Variants in EPS8L3 observed in about 807,000 individuals in gnomAD.
The protein encoded by EPS8L3 is EPS8 signaling adaptor L3.
EPS8L3 carries 80 observed loss-of-function variants against 88.5 expected under a neutral mutation model. The ratio of observed to expected loss-of-function variants is 0.90; its 90% CI spans 0.75 to 1.09. The LOEUF (loss-of-function observed/expected upper bound fraction) is 1.09, where lower values mean the gene tolerates loss of function less well. EPS8L3 is among the 50% of genes least tolerant of loss of function. The pLI is 0.00. For missense variants in EPS8L3, 721 were observed against 735.2 expected (o/e 0.98, Z 0.22); for synonymous variants, 286 against 291.0 (o/e 0.98, Z 0.18).
chr1:109,759,271 A>G lies in EPS8L3; in HGVS notation c.372T>C (p.Thr124=), dbSNP rs759018153. 15 of 1,614,058 alleles carry G rather than the reference A, an allele frequency of 9.3e-6. 1 individual carries two copies. The South Asian group carries it at 1.5e-4, about 17-fold the overall frequency. ...CCTGGCACTGGAAGAGCAGAGTGCT[A>G]GTGCCTGGCAGGCCCGGCTCCTGCA... ...ITVQEPGLPG[T]STLLFQCQEV... Residue 124 remains threonine, a synonymous_variant, in exon 5 of 19, where the codon ACT becomes ACC. Transcript: ENST00000361965. The surrounding 1 kb of genome is among the most constrained non-coding windows in gnomAD (Gnocchi z 4.2).
At chr1:109,755,202 C>T (rs116397935) in intron 12 of EPS8L3, among the ~76,000 whole-genome samples, 2 of 152,230 alleles carry the variant, frequency 1.3e-5, no homozygotes, top group Admixed American at 6.5e-5. Flanking sequence ...CTCATAGAGA[C>T]AGAAAGTAGA....
chr1:109,761,432 G>T (rs1462842332), intron 3 of EPS8L3, 63 bp downstream of exon 3: 7 of 1,425,452 alleles, frequency 4.9e-6, no homozygotes, highest in Non-Finnish European at 3.9e-6. Flanking sequence ...CTGGCAGGGC[G>T]GTGGGCACAT....
chr1:109,751,418 C>G, intron 16 of EPS8L3, 67 bp from the exon 17 acceptor site: 3 of 1,511,874 alleles, frequency 2.0e-6, no homozygotes, highest in Non-Finnish European at 2.7e-6. Context: ...CCCCTAACAT[C>G]TGGGTCCCTT....
chr1:109,761,622 T>C, intron 2 of EPS8L3, 63 bp from the exon 3 acceptor site: 1 of 1,607,542 alleles, frequency 6.2e-7, no homozygotes, highest in Non-Finnish European at 8.5e-7. Context: ...CTCAGGCAAC[T>C]GCTGGGGGCA....
intron 1 of EPS8L3, 59 bp from the exon 2 acceptor site, chr1:109,761,832 C>T (rs1328686369): frequency 2.7e-6 from 4 of 1,483,838 alleles, no homozygotes; most frequent in Non-Finnish European, 3.8e-6. Context: ...GTACCAGGCA[C>T]AGCAGGGCAG....
chr1:109,758,078 T>C lies in EPS8L3; in HGVS notation c.718-20A>G. On this transcript the variant is annotated intron_variant, in intron 8 of 18. Coordinates refer to ENST00000361965, the MANE Select transcript of EPS8L3 (RefSeq NM_133181.4). ...CACTTCCTGGGCCCCAAACAACCCA[T>C]GGCCTTGAACGGGCAGTTGGGCCCA... is the stretch of plus-strand genomic sequence containing the variant. 3 of 1,609,312 alleles carry C rather than the reference T, an allele frequency of 1.9e-6. No homozygotes were observed. The highest frequency in any genetic ancestry group is 2.5e-6 in the Non-Finnish European group (3 of 1,176,684).
At chr1:109,755,497 G>C in intron 12 of EPS8L3, among the ~76,000 whole-genome samples, 1 of 152,118 alleles carries the variant, frequency 6.6e-6, no homozygotes, top group East Asian at 1.9e-4. Flanking sequence ...TTTGTAAATG[G>C]GGCTGAATTG....
At chr1:109,750,869 C>G (rs1026075236) in intron 17 of EPS8L3, 77 bp from the exon 18 acceptor site, 2 of 1,558,214 alleles carry the variant, frequency 1.3e-6, no homozygotes, top group Non-Finnish European at 1.8e-6. Context: ...AGAGACAGGG[C>G]TCTTTGGGCT....
intron 13 of EPS8L3, 138 bp from the exon 14 acceptor site, chr1:109,752,858 C>T: frequency 1.2e-6 from 1 of 828,190 alleles, no homozygotes; most frequent in Non-Finnish European, 2.0e-6. Flanking sequence ...CCCCAGTTTA[C>T]AGATACAGGT....
intron 1 of EPS8L3, among the ~76,000 whole-genome samples, chr1:109,763,357 TG>T (rs1301782605): frequency 6.8e-6 from 1 of 147,814 alleles, no homozygotes; most frequent in African/African-American, 2.5e-5. Context: ...GGTCTGCCCC[TG>T]GTCAGCCCCA....
Position 109,758,301 on chromosome 1 carries a change from A to G in EPS8L3, c.717+15T>C. 6.2e-7 allele frequency: 1 copy of G among 1,606,842 alleles called. No homozygotes were observed. The highest frequency in any genetic ancestry group is 1.1e-5 in the South Asian group (1 of 90,772). On this transcript the variant is annotated intron_variant, in intron 8 of 18. Coordinates refer to ENST00000361965, the MANE Select transcript of EPS8L3 (RefSeq NM_133181.4). Reference sequence around the variant, plus strand: ...CCCAGAAAGCCTCAGCAAACTCAAGACCATCCGCAGTTACCTCGTCCCTCT... The same window carrying G: ...CCCAGAAAGCCTCAGCAAACTCAAGGCCATCCGCAGTTACCTCGTCCCTCT...
chr1:109,753,456 G>T (rs1208677354), intron 12 of EPS8L3, among the ~76,000 whole-genome samples: 1 of 152,180 alleles, frequency 6.6e-6, no homozygotes, highest in African/African-American at 2.4e-5. Context: ...CACCACCTCC[G>T]TAAGAACATG....
At chr1:109,761,599 G>T in intron 2 of EPS8L3, 40 bp from the exon 3 acceptor site, 1 of 1,611,446 alleles carries the variant, frequency 6.2e-7, no homozygotes, top group African/African-American at 1.3e-5. Context: ...GTGGGCAGAA[G>T]AACGAGGTGA....
chr1:109,750,649 G>T lies in EPS8L3; in HGVS notation c.1770+11C>A, dbSNP rs768745920. On this transcript the variant is annotated intron_variant, in intron 18 of 18. Transcript: ENST00000361965. ...CTCCCAATGGTTGTCAGGACCCCAG[G>T]GTGTCCTCACCCCCAGCATCCTTCT... 7 of 1,613,988 alleles carry T rather than the reference G, an allele frequency of 4.3e-6. No homozygotes were observed. In the East Asian group the frequency reaches 1.1e-4, roughly 26 times the overall value.
intron 1 of EPS8L3, among the ~76,000 whole-genome samples, chr1:109,761,980 G>A (rs1012524694): frequency 3.3e-5 from 5 of 152,112 alleles, no homozygotes; most frequent in Non-Finnish European, 5.9e-5. Context: ...TGGAGGCCCC[G>A]GGCTGAGGGA....
chr1:109,758,184 GC>G (rs1315585286), intron 8 of EPS8L3, 126 bp from the exon 9 acceptor site: 3 of 1,266,592 alleles, frequency 2.4e-6, no homozygotes, highest in African/African-American at 3.0e-5. Context: ...GTATAAACAA[GC>G]CTCTCTGGCC....
Position 109,759,259 on chromosome 1 carries a change from G to A in EPS8L3, c.384C>T (p.Leu128=), listed in dbSNP as rs779154248. ...TCACCCCCACTTCCTGGCACTGGAA[G>A]AGCAGAGTGCTAGTGCCTGGCAGGC... ...EPGLPGTSTL[L]FQCQEVGAER... is the part of the protein sequence containing the mutation. The change falls in exon 5 of 19, where the codon CTC becomes CTT. Residue 128 remains leucine (L), a synonymous_variant. Coordinates refer to ENST00000361965, the MANE Select transcript of EPS8L3 (RefSeq NM_133181.4). The surrounding 1 kb of genome is among the most constrained non-coding windows in gnomAD (Gnocchi z 4.2). 3 of 1,614,084 alleles carry A rather than the reference G, an allele frequency of 1.9e-6. No homozygotes were observed. The South Asian group carries it at 3.3e-5, about 18-fold the overall frequency.
At chr1:109,758,723 C>A in intron 6 of EPS8L3, 60 bp from the exon 7 acceptor site, 1 of 1,512,434 alleles carries the variant, frequency 6.6e-7, no homozygotes, top group South Asian at 1.3e-5. Flanking sequence ...GAGGCCCTCC[C>A]CACAATTCTG....
chr1:109,751,562 C>A, intron 16 of EPS8L3, 92 bp downstream of exon 16: 1 of 1,583,042 alleles, frequency 6.3e-7, no homozygotes, highest in Non-Finnish European at 8.6e-7. Flanking sequence ...CGAATCAAAC[C>A]AAGACTATCT....
Sources: gnomAD v4.1 joint callset for allele counts (sites outside exome capture counted in the v4.1 genomes callset) on GRCh38, gnomAD v4.1.1 for gene constraint, Gnocchi (gnomAD v3.1) non-coding constraint, MANE v1.5 for transcripts, NCBI Gene and HGNC (gene_info 2026-07-23, HGNC 2026-07-21) for gene names.